HERC3: variants seen among roughly 807,000 people sequenced by gnomAD.
The protein encoded by HERC3 is probable E3 ubiquitin-protein ligase HERC3.
HERC3 carries 58 observed loss-of-function variants against 129.9 expected under a neutral mutation model. The ratio of observed to expected loss-of-function variants is 0.45; its 90% CI spans 0.36 to 0.56. The LOEUF (loss-of-function observed/expected upper bound fraction) is 0.56. Ranked by LOEUF, HERC3 falls within the 20% of genes least tolerant of loss-of-function variation. The pLI is 0.00. For synonymous variants in HERC3, 430 were observed against 451.0 expected, an observed-to-expected ratio of 0.95 and a Z score of 0.59; for missense variants, 835 against 1,244.2, an observed-to-expected ratio of 0.67 and a Z score of 4.95.
chr4:88,677,414 A>G (rs966055926), intron 18 of HERC3, among the ~76,000 whole-genome samples: 33 of 152,124 alleles, frequency 2.2e-4, no homozygotes, highest in African/African-American at 8.0e-4. Context: ...CCATTGGTAG[A>G]TACAGATACA....
At chr4:88,670,355 A>C (rs1731484950) in intron 16 of HERC3, 103 bp downstream of exon 16, 2 of 747,398 alleles carry the variant, frequency 2.7e-6, no homozygotes, top group Non-Finnish European at 2.2e-6. Context: ...TGTGTCACCT[A>C]TTCTTCATCC....
At chr4:88,580,379 G>T in the HERC3 span, among the ~76,000 whole-genome samples, 3 of 152,156 alleles carry the variant, frequency 2.0e-5, no homozygotes, top group South Asian at 6.2e-4. Flanking sequence ...ACAAAAATTA[G>T]CCAGGTGTGG....
chr4:88,528,424 A>G, the HERC3 span, among the ~76,000 whole-genome samples: 1 of 152,228 alleles, frequency 6.6e-6, no homozygotes, highest in Non-Finnish European at 1.5e-5. Context: ...ATACTTGGAC[A>G]TTTTTTTAGA....
chr4:88,534,491 T>C, the HERC3 span, among the ~76,000 whole-genome samples: 5 of 152,126 alleles, frequency 3.3e-5, no homozygotes, highest in Admixed American at 6.5e-5. Context: ...TTTTGTTTTT[T>C]TTTTCCTAGA....
intron 1 of HERC3, 51 bp from the exon 2 acceptor site, chr4:88,595,506 G>A (rs1305857684): frequency 2.6e-5 from 4 of 152,174 alleles, no homozygotes; most frequent in Non-Finnish European, 4.4e-5. Context: ...GTAACATGAA[G>A]ACACAACAGA....
chr4:88,573,615 C>T, the HERC3 span, among the ~76,000 whole-genome samples: 312 of 152,232 alleles, frequency 2.0e-3, 2 homozygotes, highest in Middle Eastern at 0.044. Flanking sequence ...TTAGAAAAGG[C>T]AAATCTTCAC....
intron 21 of HERC3, among the ~76,000 whole-genome samples, chr4:88,685,713 C>G (rs1733365815): frequency 6.6e-6 from 1 of 151,846 alleles, no homozygotes; most frequent in Non-Finnish European, 1.5e-5. Flanking sequence ...ACATGTATAC[C>G]TATGTAACAA....
chr4:88,665,972 A>G (rs1292969767), intron 12 of HERC3, among the ~76,000 whole-genome samples: 1 of 152,170 alleles, frequency 6.6e-6, no homozygotes, highest in Non-Finnish European at 1.5e-5. Flanking sequence ...GGTTGGTACA[A>G]TGGGGAGGGA....
chr4:88,544,611 C>T, the HERC3 span, among the ~76,000 whole-genome samples: 1 of 152,180 alleles, frequency 6.6e-6, no homozygotes, highest in Non-Finnish European at 1.5e-5. Context: ...TATAAAGACA[C>T]GTGCACACGT....
the HERC3 span, among the ~76,000 whole-genome samples, chr4:88,549,089 A>G: frequency 6.6e-6 from 1 of 152,120 alleles, no homozygotes; most frequent in African/African-American, 2.4e-5. Flanking sequence ...ATTTATGCCT[A>G]TATTTTCTTT....
Position 88,704,218 on chromosome 4 carries a change from G to A in HERC3, c.2778G>A (p.Gln926=), listed in dbSNP as rs751761470. ...GTGGCAAAGTACTTGAGCTCTTCCAGCCTTCAGAACTGAGGGCTATGATGG... is the reference window on the plus strand; with the variant it reads ...GTGGCAAAGTACTTGAGCTCTTCCAACCTTCAGAACTGAGGGCTATGATGG... ...VCGGKVLELF[Q]PSELRAMMVG... is the part of the protein sequence containing the mutation. The change falls in exon 24 of 26, where the codon CAG becomes CAA. Residue 926 remains glutamine, a synonymous_variant. Transcript: ENST00000402738. 6.2e-7 allele frequency: 1 copy of A among 1,614,134 alleles called. No homozygotes were observed. The highest frequency in any genetic ancestry group is 1.1e-5 in the South Asian group (1 of 91,080).
intron 2 of HERC3, among the ~76,000 whole-genome samples, chr4:88,603,760 C>G (rs1723291379): frequency 6.6e-6 from 1 of 152,182 alleles, no homozygotes. Flanking sequence ...CCTCTTATGT[C>G]TTTGTAAGCA....
the HERC3 span, among the ~76,000 whole-genome samples, chr4:88,579,219 T>TAAAAAAAA: frequency 6.8e-5 from 8 of 117,070 alleles, no homozygotes; most frequent in African/African-American, 3.1e-4. Flanking sequence ...CTGTCTCTAC[T>TAAAAAAAA]AAAAAAAAAA....
intron 11 of HERC3, among the ~76,000 whole-genome samples, chr4:88,663,945 C>T (rs1218480058): frequency 6.6e-6 from 1 of 151,558 alleles, no homozygotes; most frequent in Non-Finnish European, 1.5e-5. Flanking sequence ...CTTTTTTTTC[C>T]CCTAACATGG....
At chr4:88,603,153 A>G (rs895426540) in intron 2 of HERC3, among the ~76,000 whole-genome samples, 1 of 150,756 alleles carries the variant, frequency 6.6e-6, no homozygotes, top group Non-Finnish European at 1.5e-5. Context: ...TCTACTGTTT[A>G]CTGGCCAGGT....
upstream of HERC3, among the ~76,000 whole-genome samples, chr4:88,590,387 C>T (rs1434626706): frequency 6.6e-6 from 1 of 152,068 alleles, no homozygotes; most frequent in African/African-American, 2.4e-5. Flanking sequence ...GGTGAAACCC[C>T]GTCTCTACTG....
rs774689052 is a variant in HERC3, at chr4:88,681,172, A to C, written c.2354A>C (p.His785Pro). The stretch of plus-strand genomic sequence containing the variant: ...TGTCCTAAAAAGTGTTTTGTAGAGC[A>C]CAACTGGTTTCACTTGATTGGTATA... ...LWFSDTCFVE[H>P]NWFHLIGITC... Residue 785 changes from histidine (H) to proline (P), a missense_variant, in exon 21 of 26, where the codon CAC (histidine) becomes CCC (proline). By Grantham distance (77) the His-to-Pro change is moderately conservative (BLOSUM62 -2). Transcript: ENST00000402738. 1.9e-6 allele frequency: 3 copies of C among 1,611,330 alleles called. No homozygotes were observed. The highest frequency in any genetic ancestry group is 2.5e-6 in the Non-Finnish European group (3 of 1,179,200).
At chr4:88,644,364 C>A (rs1399868829) in intron 3 of HERC3, among the ~76,000 whole-genome samples, 1 of 152,130 alleles carries the variant, frequency 6.6e-6, no homozygotes, top group Non-Finnish European at 1.5e-5. Context: ...TATTTATAAT[C>A]ACTAAAAACT....
the HERC3 span, among the ~76,000 whole-genome samples, chr4:88,576,822 G>A: frequency 6.6e-6 from 1 of 152,036 alleles, no homozygotes; most frequent in Admixed American, 6.6e-5. Flanking sequence ...ATATAATAAA[G>A]CCTATCAATC....
Sources: gnomAD v4.1 joint callset for allele counts (sites outside exome capture counted in the v4.1 genomes callset) on GRCh38, gnomAD v4.1.1 for gene constraint, MANE v1.5 for transcripts, NCBI Gene and HGNC (gene_info 2026-07-23, HGNC 2026-07-21) for gene names.